Variants in POLR2B observed in about 807,000 individuals in gnomAD.
The protein encoded by POLR2B is DNA-directed RNA polymerase II subunit RPB2.
In POLR2B, 57 loss-of-function variants were observed where a neutral mutation model predicts 144.6. The observed-to-expected ratio is 0.39, with a 90% CI of 0.32 to 0.49. The LOEUF is 0.49. Among genes scored for constraint, POLR2B ranks in the 20% least tolerant of loss-of-function variants. POLR2B has a pLI of 0.83. For synonymous variants in POLR2B, 442 were observed against 469.8 expected, an observed-to-expected ratio of 0.94 and a Z score of 0.77; for missense variants, 595 against 1,467.4, an observed-to-expected ratio of 0.41 and a Z score of 9.71.
chr4:57,026,053 A>G (rs928558816), intron 23 of POLR2B, among the ~76,000 whole-genome samples: 2 of 152,230 alleles, frequency 1.3e-5, no homozygotes, highest in East Asian at 3.9e-4. Flanking sequence ...CCTGGTCAAC[A>G]TGGCAAAACA....
rs1473791519 is a variant in POLR2B at position 57,015,607 on chromosome 4, A to C, written c.1906A>C (p.Lys636Gln). ...LIVEKQKLLLKKRHIDQLKER... is the reference protein window; with the variant it reads ...LIVEKQKLLLQKRHIDQLKER... ...TGTGGAAAAACAAAAGCTACTTTTG[A>C]AGAAGAGGCATATTGACCAATTGAA... is the stretch of plus-strand genomic sequence containing the variant. The change falls in exon 14 of 25, where the codon AAG becomes CAG. Residue 636 changes from lysine to glutamine, a missense_variant. Physicochemically the swap from Lys to Gln is moderately conservative, Grantham distance 53. Around this residue, in one of 9 missense-constraint regions of POLR2B, gnomAD observed 59 missense variants for 84.2 expected, o/e 0.70. Coordinates refer to ENST00000314595, the MANE Select transcript of POLR2B (RefSeq NM_000938.3). 6.6e-7 allele frequency: 1 copy of C among 1,519,938 alleles called. No individual in the cohort carries two copies. The highest frequency in any genetic ancestry group is 8.9e-7 in the Non-Finnish European group (1 of 1,122,838). 94.2% of individuals were successfully genotyped at this position (1,519,938 alleles called of 1,614,324 possible).
rs1723391100 is a variant in POLR2B at position 57,017,051 on chromosome 4, A to G, written c.1964A>G (p.Asp655Gly). ...AGTGAATTCTTTTTTAGTTGGCAGGATCTTGTGGCCAGTGGGGTAGTGGAG... is the reference window on the plus strand; with the variant it reads ...AGTGAATTCTTTTTTAGTTGGCAGGGTCTTGTGGCCAGTGGGGTAGTGGAG... ...EREYNNYSWQ[D>G]LVASGVVEYI... Residue 655 changes from aspartate (D) to glycine (G), a missense_variant, in exon 15 of 25, where the codon GAT (aspartate) becomes GGT (glycine). Physicochemically the swap from Asp to Gly is moderately conservative, Grantham distance 94. Coordinates refer to ENST00000314595, the MANE Select transcript of POLR2B (RefSeq NM_000938.3). The surrounding 1 kb of genome is among the most constrained non-coding windows in gnomAD (Gnocchi z 4.8). The G allele has an allele frequency of 6.4e-7, 1 of 1,572,176 alleles. No individual in the cohort carries two copies. Among genetic ancestry groups the G allele is most frequent in the Non-Finnish European group, 8.6e-7 (1 of 1,157,710 alleles).
At chr4:57,028,344 G>A (rs1392360908) in intron 23 of POLR2B, among the ~76,000 whole-genome samples, 1 of 151,896 alleles carries the variant, frequency 6.6e-6, no homozygotes, top group Non-Finnish European at 1.5e-5. Flanking sequence ...GTGTTGCTCT[G>A]GCTGGTCTTG....
chr4:56,981,476 T>C (rs1423113337), intron 1 of POLR2B, among the ~76,000 whole-genome samples: 1 of 152,256 alleles, frequency 6.6e-6, no homozygotes, highest in Non-Finnish European at 1.5e-5. Flanking sequence ...TTTTGCTAGA[T>C]GATGCCAAGT....
At chr4:56,992,303 T>A (rs1402280472) in intron 3 of POLR2B, among the ~76,000 whole-genome samples, 1 of 150,628 alleles carries the variant, frequency 6.6e-6, no homozygotes, top group Non-Finnish European at 1.5e-5. Context: ...TCTCTACTAG[T>A]AAAGTACAAA....
intron 1 of POLR2B, chr4:56,986,123 T>C (rs898535562): frequency 2.0e-6 from 1 of 495,164 alleles, no homozygotes; most frequent in East Asian, 3.9e-5. Flanking sequence ...TTAACATTCA[T>C]ACAACTTACA....
chr4:57,007,030 TC>T (rs759429039), intron 10 of POLR2B, 28 bp downstream of exon 10: 1 of 1,473,168 alleles, frequency 6.8e-7, no homozygotes, highest in South Asian at 1.2e-5. Context: ...GACTACAGGC[TC>T]AATAGGAAAC....
Position 57,031,109 on chromosome 4 carries a change from A to C in POLR2B, c.*121A>C, listed in dbSNP as rs2109731420. ...TAAAAAGTATTTTATTTGTTTAATG[A>C]TATGCATGCTTTTCTTCTGTAAATA... On this transcript the variant is annotated 3_prime_UTR_variant, in exon 25 of 25. Coordinates refer to ENST00000314595, the MANE Select transcript of POLR2B (RefSeq NM_000938.3). 6.8e-6 allele frequency: 5 copies of C among 734,798 alleles called. No homozygotes were observed. The highest frequency in any genetic ancestry group is 6.7e-5 in the South Asian group (4 of 59,972). The allele number at this position is 734,798 out of a possible 1,614,324, so 45.5% of individuals were successfully genotyped here.
chr4:56,999,580 T>G, intron 6 of POLR2B, 37 bp from the exon 7 acceptor site: 1 of 1,420,278 alleles, frequency 7.0e-7, no homozygotes, highest in Non-Finnish European at 9.7e-7. Context: ...TGTGAGCTTT[T>G]GTATATTCAT....
At chr4:56,985,405 C>T (rs934213433) in intron 1 of POLR2B, 99 of 985,010 alleles carry the variant, frequency 1.0e-4, no homozygotes, top group South Asian at 1.9e-4. Context: ...TGTGGCGAGG[C>T]GGGGATGGCA....
In POLR2B at chr4:57,024,890, C is replaced by A; in HGVS notation, c.2969C>A (p.Ser990Ter). The A allele has an allele frequency of 1.3e-6, 2 of 1,532,784 alleles. No individual in the cohort carries two copies. The highest frequency in any genetic ancestry group is 1.8e-6 in the Non-Finnish European group (2 of 1,116,492). The allele number at this position is 1,532,784 out of a possible 1,614,324, so 94.9% of individuals were successfully genotyped here. The change falls in exon 22 of 25, where the codon TCG becomes TAG. Residue 990 changes from serine (S) to a stop codon, truncating the protein, a stop_gained. Coordinates refer to ENST00000314595, the MANE Select transcript of POLR2B (RefSeq NM_000938.3). LOFTEE classifies it high-confidence loss of function. ...HLIECLQGKV[S>*]ANKGEIGDAT... ...GAGTACTTTTTTTTTTAAAAGGTATCGGCTAACAAGGGTGAAATTGGTGAT... is the reference window on the plus strand; with the variant it reads ...GAGTACTTTTTTTTTTAAAAGGTATAGGCTAACAAGGGTGAAATTGGTGAT...
rs559261870 is a variant in POLR2B, at chr4:57,006,936, C to T, written c.1338C>T (p.Tyr446=). The T allele has an allele frequency of 1.5e-5, 25 of 1,613,754 alleles. No homozygotes were observed. Among genetic ancestry groups the T allele is most frequent in the Non-Finnish European group, 2.0e-5 (24 of 1,179,692 alleles). The change falls in exon 10 of 25, where the codon TAC becomes TAT. Residue 446 remains tyrosine (Y), a synonymous_variant. Coordinates refer to ENST00000314595, the MANE Select transcript of POLR2B (RefSeq NM_000938.3). Reference sequence around the variant, plus strand: ...GGATCATATCTGATGGCCTAAAATACTCTTTAGCTACTGGAAACTGGGGTG... The same window carrying T: ...GGATCATATCTGATGGCCTAAAATATTCTTTAGCTACTGGAAACTGGGGTG... The part of the protein sequence containing the change: ...KTRIISDGLK[Y]SLATGNWGDQ...
chr4:56,990,654 C>T, intron 2 of POLR2B, 94 bp from the exon 3 acceptor site: 1 of 1,097,306 alleles, frequency 9.1e-7, no homozygotes, highest in South Asian at 1.6e-5. Context: ...ATGACTGTTT[C>T]TTGAATAATG....
At chr4:57,020,764 A>G in intron 16 of POLR2B, 135 bp from the exon 17 acceptor site, 3 of 700,342 alleles carry the variant, frequency 4.3e-6, no homozygotes, top group Non-Finnish European at 7.8e-6. Context: ...GGAGGAATAG[A>G]CTTTGGCAGT....
At chr4:57,021,291 T>A (rs972558148) in intron 17 of POLR2B, among the ~76,000 whole-genome samples, 1 of 152,154 alleles carries the variant, frequency 6.6e-6, no homozygotes, top group Non-Finnish European at 1.5e-5. Flanking sequence ...AAAATTATAG[T>A]GTGTTTTCTT....
intron 6 of POLR2B, among the ~76,000 whole-genome samples, chr4:56,997,857 G>T (rs1314480612): frequency 6.6e-6 from 1 of 152,192 alleles, no homozygotes; most frequent in Non-Finnish European, 1.5e-5. Context: ...GTGAGAATGG[G>T]AGTGGAATGG....
chr4:57,016,831 C>G (rs1049721128), intron 14 of POLR2B, among the ~76,000 whole-genome samples: 2 of 148,876 alleles, frequency 1.3e-5, no homozygotes, highest in African/African-American at 2.4e-5. Context: ...TGCTTATTCT[C>G]CAGCAGCTTA....
At position 56,990,781 on chromosome 4, in the gene POLR2B, A is replaced by G; in HGVS notation, c.126A>G (p.Gln42=). The change falls in exon 3 of 25, where the codon CAA becomes CAG. Residue 42 remains glutamine, a synonymous_variant. Coordinates refer to ENST00000314595, the MANE Select transcript of POLR2B (RefSeq NM_000938.3). The part of the protein sequence containing the change: ...SYFDEKGLVR[Q]QLDSFDEFIQ... ...TTGACGAGAAAGGCTTGGTTAGACAACAGCTGGATTCTTTTGATGAGTTTA... is the reference window on the plus strand; with the variant it reads ...TTGACGAGAAAGGCTTGGTTAGACAGCAGCTGGATTCTTTTGATGAGTTTA... The G allele has an allele frequency of 6.2e-7, 1 of 1,612,592 alleles. No homozygotes were observed. The highest frequency in any genetic ancestry group is 1.1e-5 in the South Asian group (1 of 90,736).
chr4:56,995,272 A>T lies in POLR2B; in HGVS notation c.598A>T (p.Met200Leu). Residue 200 changes from methionine (M) to leucine (L), a missense_variant, in exon 6 of 25, where the codon ATG becomes TTG. Met to Leu is a conservative substitution (Grantham distance 15, BLOSUM62 2). Transcript: ENST00000314595. ...ATAGGTTCTGATTGCCCAAGAGAAA[A>T]TGGCAACAAACACAGTTTATGTGTT... ...SEKVLIAQEK[M>L]ATNTVYVFAK... The T allele has an allele frequency of 6.2e-7, 1 of 1,608,514 alleles. No individual in the cohort carries two copies. Among genetic ancestry groups the T allele is most frequent in the Non-Finnish European group, 8.5e-7 (1 of 1,175,636 alleles).
Sources: allele counts gnomAD v4.1 joint callset (sites outside exome capture counted in the v4.1 genomes callset), GRCh38; gene constraint gnomAD v4.1.1; regional missense constraint gnomAD v4.1.1; non-coding constraint Gnocchi (gnomAD v3.1); transcripts MANE v1.5; gene names NCBI Gene and HGNC (gene_info 2026-07-23, HGNC 2026-07-21).